GC: variants seen among roughly 807,000 people sequenced by gnomAD.
The protein encoded by GC is GC vitamin D binding protein.
Under a neutral mutation model 56.7 loss-of-function variants are expected in GC, and 43 were observed. The ratio of observed to expected loss-of-function variants is 0.76; its 90% CI spans 0.59 to 0.98. GC has a LOEUF of 0.98. Among genes scored for constraint, GC ranks in the 50% least tolerant of loss-of-function variants. The pLI is 0.00. For synonymous variants in GC, 216 were observed against 202.7 expected (o/e 1.07, Z -0.56); for missense variants, 529 against 545.9 (o/e 0.97, Z 0.31).
intron 8 of GC, 28 bp downstream of exon 8, chr4:71,756,684 A>C: frequency 6.6e-7 from 1 of 1,518,916 alleles, no homozygotes; most frequent in Non-Finnish European, 9.1e-7. Flanking sequence ...TTAAAATGGG[A>C]AAACGTTTTC....
chr4:71,763,358 G>A (rs1360488201), intron 6 of GC, 50 bp downstream of exon 6: 3 of 913,590 alleles, frequency 3.3e-6, no homozygotes, highest in Non-Finnish European at 5.3e-6. Flanking sequence ...ATTATGGATA[G>A]ACAGTGCAGA....
chr4:71,771,393 T>C (rs1742336938), intron 1 of GC, among the ~76,000 whole-genome samples: 2 of 152,098 alleles, frequency 1.3e-5, no homozygotes. Context: ...CTGTTTAATG[T>C]CAGATTGCCT....
intron 1 of GC, among the ~76,000 whole-genome samples, chr4:71,803,225 CTT>C (rs1743292024): frequency 6.6e-6 from 1 of 152,262 alleles, no homozygotes; most frequent in East Asian, 1.9e-4. Context: ...TTAACAAACT[CTT>C]TGTGTGATGC....
upstream of GC, chr4:71,784,203 A>G: frequency 7.8e-7 from 1 of 1,282,866 alleles, no homozygotes; most frequent in Non-Finnish European, 9.9e-7. Flanking sequence ...TCTTTGGCCC[A>G]AAAGAGATAA....
intron 1 of GC, among the ~76,000 whole-genome samples, chr4:71,799,828 A>C (rs1224736551): frequency 6.6e-6 from 1 of 152,274 alleles, no homozygotes; most frequent in South Asian, 2.1e-4. Context: ...TTCATTGGAG[A>C]TGTAGTCTAA....
At chr4:71,774,557 C>CT (rs1191541908) in intron 1 of GC, among the ~76,000 whole-genome samples, 1 of 151,946 alleles carries the variant, frequency 6.6e-6, no homozygotes, top group East Asian at 1.9e-4. Context: ...GTGATATCCC[C>CT]TGCATTTAAT....
chr4:71,788,881 A>G (rs1353466844), upstream of GC, among the ~76,000 whole-genome samples: 3 of 151,924 alleles, frequency 2.0e-5, no homozygotes, highest in African/African-American at 7.2e-5. Context: ...AGTCATAACT[A>G]GTTAACTGTG....
intron 1 of GC, among the ~76,000 whole-genome samples, chr4:71,779,372 GA>G (rs1176760022): frequency 2.0e-5 from 3 of 151,722 alleles, no homozygotes; most frequent in African/African-American, 7.3e-5. Flanking sequence ...GTTGGCTAGG[GA>G]AGCCCCCTCT....
At chr4:71,796,921 G>T (rs1307066064) in intron 1 of GC, among the ~76,000 whole-genome samples, 4 of 152,180 alleles carry the variant, frequency 2.6e-5, no homozygotes, top group Non-Finnish European at 2.9e-5. Flanking sequence ...TAACAGTCAG[G>T]TCCCTCAGTT....
chr4:71,787,240 GT>G (rs1354606364), upstream of GC, among the ~76,000 whole-genome samples: 1 of 151,712 alleles, frequency 6.6e-6, no homozygotes, highest in Non-Finnish European at 1.5e-5. Context: ...GCCAATGCCT[GT>G]GCTTAAAGTT....
chr4:71,799,984 C>T (rs1201815118), intron 1 of GC, among the ~76,000 whole-genome samples: 2 of 151,962 alleles, frequency 1.3e-5, no homozygotes, highest in Non-Finnish European at 2.9e-5. Flanking sequence ...GTGTTTGAAG[C>T]AATTTATGTC....
chr4:71,775,032 CT>C (rs61069688), intron 1 of GC, among the ~76,000 whole-genome samples: 122,211 of 138,708 alleles, frequency 0.88, 53,865 homozygotes, highest in Middle Eastern at 0.96. Flanking sequence ...TTCCCCGGCC[CT>C]TTTTTTTTTT....
intron 1 of GC, among the ~76,000 whole-genome samples, chr4:71,789,098 A>G (rs1202487313): frequency 1.3e-5 from 2 of 151,848 alleles, no homozygotes; most frequent in African/African-American, 4.8e-5. Flanking sequence ...ATATTTTTGC[A>G]TTATGTATAG....
upstream of GC, chr4:71,784,221 T>C (rs1578317004): frequency 2.4e-6 from 3 of 1,265,574 alleles, no homozygotes; most frequent in Non-Finnish European, 3.0e-6. Context: ...TAAAATAATA[T>C]CAATCAAGGT....
chr4:71,744,519 A>C (rs1349559454), intron 12 of GC, among the ~76,000 whole-genome samples: 2 of 151,984 alleles, frequency 1.3e-5, no homozygotes, highest in African/African-American at 4.8e-5. Context: ...ATCTCTTGAA[A>C]TCCATCAAAT....
intron 11 of GC, among the ~76,000 whole-genome samples, chr4:71,749,842 G>A (rs1211750267): frequency 3.9e-5 from 6 of 152,042 alleles, no homozygotes; most frequent in Non-Finnish European, 5.9e-5. Context: ...TTATTCTACC[G>A]TACTCTCTTC....
intron 11 of GC, among the ~76,000 whole-genome samples, chr4:71,750,051 ATAACAAAAC>A (rs886428307): frequency 1.6e-4 from 25 of 152,202 alleles, no homozygotes; most frequent in African/African-American, 6.0e-4. Flanking sequence ...AAAACAAAAC[ATAACAAAAC>A]AAATAAAACT....
At chr4:71,805,166 T>G (rs1743335301), upstream of GC, among the ~76,000 whole-genome samples, 1 of 152,156 alleles carries the variant, frequency 6.6e-6, no homozygotes, top group Non-Finnish European at 1.5e-5. Context: ...TTAGGTCCCT[T>G]AATTGAGCCT....
At chr4:71,800,928 G>T (rs1055671830) in intron 1 of GC, among the ~76,000 whole-genome samples, 5 of 152,026 alleles carry the variant, frequency 3.3e-5, no homozygotes, top group African/African-American at 1.2e-4. Context: ...CTCAAATTTG[G>T]CAATGGATTT....
Sources: gnomAD v4.1 joint callset for allele counts (sites outside exome capture counted in the v4.1 genomes callset) on GRCh38, gnomAD v4.1.1 for gene constraint, MANE v1.5 for transcripts, NCBI Gene and HGNC (gene_info 2026-07-23, HGNC 2026-07-21) for gene names.